RNASEH2B: variants seen among roughly 807,000 people sequenced by gnomAD.
The protein encoded by RNASEH2B is Aicardi-Goutieres syndrome 2 protein.
RNASEH2B carries 36 observed loss-of-function variants against 45.0 expected under a neutral mutation model. That is an observed-to-expected ratio of 0.80 (90% CI 0.61 to 1.06). RNASEH2B has a LOEUF of 1.06. RNASEH2B is among the 50% of genes least tolerant of loss of function. RNASEH2B has a pLI of 0.00. For missense variants in RNASEH2B, 361 were observed against 360.3 expected (o/e 1.00, Z -0.02); for synonymous variants, 119 against 125.7 (o/e 0.95, Z 0.35).
Position 50,910,091 on chromosome 13 carries a change from G to T in RNASEH2B, c.15G>T (p.Val5=). The T allele has an allele frequency of 6.8e-7, 1 of 1,464,002 alleles. No homozygotes were observed. The highest frequency in any genetic ancestry group is 1.3e-5 in the South Asian group (1 of 74,514). 90.7% of individuals were successfully genotyped at this position (1,464,002 alleles called of 1,614,324 possible). Residue 5 remains valine, a synonymous_variant, in exon 1 of 11, where the codon GTG becomes GTT. Coordinates refer to ENST00000336617, the MANE Select transcript of RNASEH2B (RefSeq NM_024570.4). ...AGGCGGGCGGCATGGCCGCTGGCGT[G>T]GACTGCGGGGACGGGGTTGGCGCCC... The part of the protein sequence containing the change: MAAG[V]DCGDGVGARQ...
intron 1 of RNASEH2B, among the ~76,000 whole-genome samples, chr13:50,916,286 A>G (rs2137889085): frequency 6.6e-6 from 1 of 152,232 alleles, no homozygotes; most frequent in Middle Eastern, 3.4e-3. Flanking sequence ...ATGTAACACT[A>G]AAACACTCAG....
chr13:50,947,921 G>C, intron 7 of RNASEH2B, 66 bp from the exon 8 acceptor site: 1 of 1,595,552 alleles, frequency 6.3e-7, no homozygotes, highest in Non-Finnish European at 8.5e-7. Context: ...AGGTCAATTT[G>C]ACTATAAAAC....
In RNASEH2B at chr13:50,934,745, T is replaced by G. The variant is rs566256627; in HGVS notation, c.322-140T>G. On this transcript the variant is annotated intron_variant, in intron 4 of 10. Coordinates refer to ENST00000336617, the MANE Select transcript of RNASEH2B (RefSeq NM_024570.4). Reference sequence around the variant, plus strand: ...GGGTCCGTCCTAGAGCCTGTCCCATTGTAGGGATTCCTTAGATGGAATAGG... The same window carrying G: ...GGGTCCGTCCTAGAGCCTGTCCCATGGTAGGGATTCCTTAGATGGAATAGG... 3.3e-5 allele frequency: 23 copies of G among 698,954 alleles called. No homozygotes were observed. The South Asian group carries it at 3.5e-4, about 11-fold the overall frequency. The allele number at this position is 698,954 out of a possible 1,614,324, so 43.3% of individuals were successfully genotyped here. A position where few individuals can be genotyped will look rare whatever the true frequency, so the allele number is the denominator to read the frequency against.
exon 10 of RNASEH2B, chr13:50,970,025 A>G: frequency 6.7e-7 from 1 of 1,503,498 alleles, no homozygotes; most frequent in South Asian, 1.2e-5. Context: ...CTCCCAGAGG[A>G]CTCGGACTTT....
chr13:50,965,272 C>A (rs146135211), intron 9 of RNASEH2B, among the ~76,000 whole-genome samples: 1 of 152,146 alleles, frequency 6.6e-6, no homozygotes, highest in Non-Finnish European at 1.5e-5. Flanking sequence ...CAGGTTTGTA[C>A]CCCAGGAGCA....
At chr13:50,939,628 T>C (rs1394586483) in intron 5 of RNASEH2B, among the ~76,000 whole-genome samples, 1 of 152,128 alleles carries the variant, frequency 6.6e-6, no homozygotes, top group East Asian at 1.9e-4. Flanking sequence ...CACACTTATA[T>C]GGTCAATTGA....
intron 1 of RNASEH2B, among the ~76,000 whole-genome samples, chr13:50,918,220 C>G (rs973387802): frequency 6.6e-6 from 1 of 152,134 alleles, no homozygotes; most frequent in Non-Finnish European, 1.5e-5. Context: ...TCACTGCAAG[C>G]TCCGCCTCCC....
chr13:50,909,984 C>G lies in RNASEH2B; in HGVS notation c.-93C>G. 1 of 1,178,300 alleles carries G rather than the reference C, an allele frequency of 8.5e-7. No individual in the cohort carries two copies. Among genetic ancestry groups the G allele is most frequent in the Non-Finnish European group, 1.2e-6 (1 of 861,142 alleles). The allele number at this position is 1,178,300 out of a possible 1,614,324, so 73.0% of individuals were successfully genotyped here. The stretch of plus-strand genomic sequence containing the variant: ...CCGGTCCCTCAGCGCGCCGCGCCAC[C>G]CGGAACAGACCCTTCTCCCGCCATT... On this transcript the variant is annotated 5_prime_UTR_variant, in exon 1 of 11. Coordinates refer to ENST00000336617, the MANE Select transcript of RNASEH2B (RefSeq NM_024570.4).
chr13:50,919,810 A>G (rs769280954), intron 1 of RNASEH2B, among the ~76,000 whole-genome samples: 3 of 152,228 alleles, frequency 2.0e-5, no homozygotes, highest in Non-Finnish European at 4.4e-5. Flanking sequence ...AAAAAGTGGA[A>G]ATTAACATAG....
chr13:50,956,953 C>T (rs1475586225), downstream of RNASEH2B, among the ~76,000 whole-genome samples: 4 of 146,738 alleles, frequency 2.7e-5, no homozygotes, highest in African/African-American at 1.0e-4. Context: ...GGCTGGAGTG[C>T]AGTGGCGCGA....
intron 10 of RNASEH2B, chr13:50,955,477 C>G (rs1952033720): frequency 6.6e-6 from 1 of 152,050 alleles, no homozygotes; most frequent in Non-Finnish European, 1.5e-5. Flanking sequence ...CTTAAATGCA[C>G]CAGATAAGTC....
chr13:50,962,025 C>T (rs1952117126), intron 9 of RNASEH2B, among the ~76,000 whole-genome samples: 2 of 152,062 alleles, frequency 1.3e-5, no homozygotes, highest in African/African-American at 4.8e-5. Flanking sequence ...GAATGTTAAA[C>T]TAATTTTGCA....
In RNASEH2B at chr13:50,929,500, T is replaced by A; in HGVS notation, c.162T>A (p.Asn54Lys). 1 of 1,613,488 alleles carries A rather than the reference T, an allele frequency of 6.2e-7. No individual in the cohort carries two copies. Among genetic ancestry groups the A allele is most frequent in the East Asian group, 2.2e-5 (1 of 44,862 alleles). ...GAGAAGGAGCCATTTACTTGTTCAA[T>A]ATGTGTCTACAGCAGCTGTTTGAAG... ...CSGEGAIYLF[N>K]MCLQQLFEVK... Residue 54 changes from asparagine (N) to lysine (K), a missense_variant, in exon 3 of 11, where the codon AAT (asparagine) becomes AAA (lysine). Physicochemically the swap from Asn to Lys is moderately conservative, Grantham distance 94 (BLOSUM62 0). Transcript: ENST00000336617.
intron 1 of RNASEH2B, among the ~76,000 whole-genome samples, chr13:50,923,740 G>T (rs1389878522): frequency 6.6e-6 from 1 of 152,076 alleles, no homozygotes; most frequent in Admixed American, 6.6e-5. Flanking sequence ...AGAATAAAGA[G>T]CACTAGTAAA....
At chr13:50,921,931 C>A (rs1951529049) in intron 1 of RNASEH2B, among the ~76,000 whole-genome samples, 1 of 152,212 alleles carries the variant, frequency 6.6e-6, no homozygotes, top group Non-Finnish European at 1.5e-5. Flanking sequence ...TCTTGCAAAA[C>A]TTGTAAAAAC....
intron 4 of RNASEH2B, 61 bp from the exon 5 acceptor site, chr13:50,934,824 C>CT: frequency 8.3e-7 from 1 of 1,202,854 alleles, no homozygotes; most frequent in Non-Finnish European, 1.2e-6. Context: ...GTCTTTTTCT[C>CT]TTTTTTTCTG....
intron 8 of RNASEH2B, chr13:50,949,241 T>G: frequency 1.9e-6 from 1 of 522,112 alleles, no homozygotes; most frequent in South Asian, 2.6e-5. Flanking sequence ...ATTTTATTTT[T>G]TAGTTCAGAC....
chr13:50,911,527 TG>T (rs1879394822), intron 1 of RNASEH2B: 1 of 152,256 alleles, frequency 6.6e-6, no homozygotes, highest in Non-Finnish European at 1.5e-5. Flanking sequence ...GTGGAATGGC[TG>T]GTTCTAGTAC....
intron 9 of RNASEH2B, among the ~76,000 whole-genome samples, chr13:50,964,015 T>C (rs1019426788): frequency 1.3e-5 from 2 of 152,144 alleles, no homozygotes; most frequent in African/African-American, 4.8e-5. Context: ...CTGACCAACA[T>C]GGAGAAACCC....
Sources: allele counts gnomAD v4.1 joint callset (sites outside exome capture counted in the v4.1 genomes callset), GRCh38; gene constraint gnomAD v4.1.1; transcripts MANE v1.5; gene names NCBI Gene and HGNC (gene_info 2026-07-23, HGNC 2026-07-21).